TBC1D22A: variants seen among roughly 807,000 people sequenced by gnomAD.
The protein encoded by TBC1D22A is TBC1 domain family member 22A.
Under a neutral mutation model 60.2 loss-of-function variants are expected in TBC1D22A, and 38 were observed. The observed-to-expected ratio is 0.63, with a 90% CI of 0.49 to 0.83. The LOEUF (loss-of-function observed/expected upper bound fraction) is 0.83, where lower values mean the gene tolerates loss of function less well. Among genes scored for constraint, TBC1D22A ranks in the 40% least tolerant of loss-of-function variants. The pLI, the probability that TBC1D22A is intolerant of heterozygous loss-of-function variation, is 0.00. For synonymous variants in TBC1D22A, 302 were observed against 281.7 expected (o/e 1.07, Z -0.72); for missense variants, 628 against 701.0 (o/e 0.90, Z 1.18).
At chr22:46,840,030 G>T (rs187088736) in intron 4 of TBC1D22A, among the ~76,000 whole-genome samples, 174 of 152,300 alleles carry the variant, frequency 1.1e-3, no homozygotes, top group African/African-American at 4.0e-3. Flanking sequence ...TCTTGACATT[G>T]TTCTGCTCAG....
intron 11 of TBC1D22A, among the ~76,000 whole-genome samples, chr22:47,055,121 C>T (rs1603194509): frequency 6.6e-6 from 1 of 152,256 alleles, no homozygotes; most frequent in African/African-American, 2.4e-5. Flanking sequence ...GGTACTTGCT[C>T]CCTCCTGGGA....
At chr22:47,107,688 A>G (rs5767494) in intron 11 of TBC1D22A, among the ~76,000 whole-genome samples, 68,932 of 152,046 alleles carry the variant, frequency 0.45, 16,756 homozygotes, top group African/African-American at 0.63. Flanking sequence ...GTAAAAATTG[A>G]CAAAACAGGT....
intron 4 of TBC1D22A, among the ~76,000 whole-genome samples, chr22:46,818,017 A>G (rs187274889): frequency 6.6e-6 from 1 of 152,276 alleles, no homozygotes; most frequent in Admixed American, 6.5e-5. Flanking sequence ...AGTGATGTTG[A>G]GCTTTTTTAA....
In TBC1D22A at chr22:47,040,105, C is replaced by T. The variant is rs184711277; in HGVS notation, c.1329+2907C>T. On this transcript the variant is annotated intron_variant, in intron 11 of 12. Coordinates refer to ENST00000337137, the MANE Select transcript of TBC1D22A (RefSeq NM_014346.5). ...GACTACAGGTGCCCGCCACCACGCCCGGCTAATTTTTTTGTATTTTTAGTA... is the reference window on the plus strand; with the variant it reads ...GACTACAGGTGCCCGCCACCACGCCTGGCTAATTTTTTTGTATTTTTAGTA... 6.4e-4 allele frequency among the ~76,000 whole-genome samples: 97 copies of T among 151,908 alleles called. 2 individuals carry two copies. The East Asian group carries it at 0.017, about 27-fold the overall frequency.
intron 10 of TBC1D22A, among the ~76,000 whole-genome samples, chr22:47,030,824 A>G (rs548934944): frequency 2.0e-5 from 3 of 152,356 alleles, no homozygotes; most frequent in South Asian, 4.1e-4. Flanking sequence ...GATGTGTATA[A>G]ATGGGAAGTA....
chr22:46,846,434 G>A (rs1165274602), intron 4 of TBC1D22A, among the ~76,000 whole-genome samples: 3 of 152,152 alleles, frequency 2.0e-5, no homozygotes, highest in Non-Finnish European at 4.4e-5. Flanking sequence ...GCTGTGGGGT[G>A]CTTAAGTGTG....
At chr22:46,860,707 G>A (rs2087826736) in intron 4 of TBC1D22A, among the ~76,000 whole-genome samples, 1 of 152,258 alleles carries the variant, frequency 6.6e-6, no homozygotes, top group African/African-American at 2.4e-5. Flanking sequence ...CTCTGGCGTG[G>A]CCAGCGTCTT....
At chr22:47,018,903 C>T (rs1255790761) in intron 10 of TBC1D22A, among the ~76,000 whole-genome samples, 1 of 152,228 alleles carries the variant, frequency 6.6e-6, no homozygotes, top group Non-Finnish European at 1.5e-5. Flanking sequence ...AGCAGTTCTC[C>T]TTTCCTTCCC....
At chr22:46,878,854 T>C (rs1281572343) in intron 5 of TBC1D22A, 131 bp downstream of exon 5, 1 of 686,450 alleles carries the variant, frequency 1.5e-6, no homozygotes, top group Non-Finnish European at 2.5e-6. Context: ...TAAAGGCCTT[T>C]GCTATGGCTA....
chr22:46,895,114 TTGAGGAAACAGAA>T (rs1602354774), intron 7 of TBC1D22A, among the ~76,000 whole-genome samples: 1 of 152,140 alleles, frequency 6.6e-6, no homozygotes, highest in East Asian at 1.9e-4. Context: ...CACCACCAGA[TTGAGGAAACAGAA>T]CCCCCCAGTG....
chr22:46,904,150 C>CTGT (rs2069262954), intron 7 of TBC1D22A, among the ~76,000 whole-genome samples: 2 of 74,892 alleles, frequency 2.7e-5, no homozygotes, highest in Non-Finnish European at 5.8e-5. Context: ...TATCTACCTA[C>CTGT]CTACCTACCT....
intron 4 of TBC1D22A, among the ~76,000 whole-genome samples, chr22:46,798,545 C>T (rs2084757410): frequency 6.6e-6 from 1 of 152,266 alleles, no homozygotes; most frequent in Non-Finnish European, 1.5e-5. Flanking sequence ...CACTTGCTTT[C>T]AGTTCCTCTG....
At chr22:46,879,160 A>C (rs1297876378) in intron 5 of TBC1D22A, among the ~76,000 whole-genome samples, 1 of 151,670 alleles carries the variant, frequency 6.6e-6, no homozygotes, top group Admixed American at 6.6e-5. Flanking sequence ...CTGTTAGGAA[A>C]AGAGAAGAAA....
chr22:46,898,865 A>G (rs1019560194), intron 7 of TBC1D22A, among the ~76,000 whole-genome samples: 4 of 152,160 alleles, frequency 2.6e-5, no homozygotes, highest in African/African-American at 9.7e-5. Context: ...TCCCAGCTTG[A>G]CTTTTCCCTT....
At chr22:46,964,877 A>G (rs573291419) in intron 8 of TBC1D22A, among the ~76,000 whole-genome samples, 1 of 152,342 alleles carries the variant, frequency 6.6e-6, no homozygotes, top group South Asian at 2.1e-4. Context: ...TGGGCTCGTT[A>G]GAATTGCGAC....
intron 12 of TBC1D22A, among the ~76,000 whole-genome samples, chr22:47,160,433 G>T (rs574421557): frequency 6.6e-6 from 1 of 152,166 alleles, no homozygotes; most frequent in Admixed American, 6.5e-5. Context: ...CCTGGTCAGC[G>T]GGTGGAGGTC....
chr22:46,934,934 G>A (rs1055088517), intron 8 of TBC1D22A, among the ~76,000 whole-genome samples: 2 of 152,196 alleles, frequency 1.3e-5, no homozygotes, highest in Admixed American at 6.5e-5. Flanking sequence ...GGGAGAGGGT[G>A]GGGAGGGGAG....
intron 4 of TBC1D22A, among the ~76,000 whole-genome samples, chr22:46,867,967 A>G (rs2067134171): frequency 6.6e-6 from 1 of 152,220 alleles, no homozygotes; most frequent in African/African-American, 2.4e-5. Flanking sequence ...ACCAAAAAGC[A>G]AAAAACCCAC....
intron 8 of TBC1D22A, among the ~76,000 whole-genome samples, chr22:46,956,476 C>T (rs1010935757): frequency 4.6e-5 from 7 of 152,284 alleles, no homozygotes; most frequent in Middle Eastern, 3.4e-3. Context: ...AAATTACTTA[C>T]AAGTATCATG....
Sources: allele counts gnomAD v4.1 joint callset (sites outside exome capture counted in the v4.1 genomes callset), GRCh38; gene constraint gnomAD v4.1.1; transcripts MANE v1.5; gene names NCBI Gene and HGNC (gene_info 2026-07-23, HGNC 2026-07-21).